Variants in SLC33A1 observed in about 807,000 individuals in gnomAD.
SLC33A1 encodes the protein solute carrier family 33 member 1, also known as acetyl-coenzyme A transporter 1.
SLC33A1 carries 20 observed loss-of-function variants against 50.0 expected under a neutral mutation model. The observed-to-expected ratio is 0.40, with a 90% confidence interval of 0.28 to 0.58. The LOEUF is 0.58. SLC33A1 is among the 20% of genes least tolerant of loss of function. SLC33A1 has a pLI of 0.44. For missense variants in SLC33A1, 476 were observed against 657.0 expected, an observed-to-expected ratio of 0.72 and a Z score of 3.01; for synonymous variants, 265 against 251.8, an observed-to-expected ratio of 1.05 and a Z score of -0.50.
At position 155,828,041 on chromosome 3, in the gene SLC33A1, T is replaced by A. The variant is rs1471708498; in HGVS notation, c.*169A>T. ...ATACATTGACAAGGCAAAAAAAAAATATGATCAAATATACAGAAAGGTTTC... is the reference window on the plus strand; with the variant it reads ...ATACATTGACAAGGCAAAAAAAAAAAATGATCAAATATACAGAAAGGTTTC... On this transcript the variant is annotated 3_prime_UTR_variant, in exon 6 of 6. Coordinates refer to ENST00000643144, the MANE Select transcript of SLC33A1 (RefSeq NM_004733.4). The A allele has an allele frequency of 2.7e-5, 15 of 557,696 alleles. No homozygotes were observed. Among genetic ancestry groups the A allele is most frequent in the African/African-American group, 2.2e-4 (11 of 49,202 alleles). The allele number at this position is 557,696 out of a possible 1,614,324, so 34.5% of individuals were successfully genotyped here.
Position 155,839,512 on chromosome 3 carries a change from C to T in SLC33A1, c.963+2920G>A, listed in dbSNP as rs761085354. Among the ~76,000 whole-genome samples the T allele has an allele frequency of 4.0e-5, 6 of 150,964 alleles. No homozygotes were observed. The East Asian group carries it at 5.8e-4, about 15-fold the overall frequency. Reference sequence around the variant, plus strand: ...AATAGACAACAGAAAAATGAGATTACGGAAAATTTAAATTTAACACACTAA... The same window carrying T: ...AATAGACAACAGAAAAATGAGATTATGGAAAATTTAAATTTAACACACTAA... On this transcript the variant is annotated intron_variant, in intron 2 of 5. Transcript: ENST00000643144.
chr3:155,853,368 C>T lies in SLC33A1; in HGVS notation c.630G>A (p.Val210=). The T allele has an allele frequency of 6.2e-7, 1 of 1,614,106 alleles. No homozygotes were observed. The highest frequency in any genetic ancestry group is 1.3e-5 in the African/African-American group (1 of 75,036). Reference sequence around the variant, plus strand: ...CCGAATTGCAAGTAGAAGCATAACCCACATTTTCCCTGGATAACATAGTTA... The same window carrying T: ...CCGAATTGCAAGTAGAAGCATAACCTACATTTTCCCTGGATAACATAGTTA... ...WALTMLSREN[V]GYASTCNSVG... Residue 210 remains valine, a synonymous_variant, in exon 1 of 6, where the codon GTG becomes GTA. Coordinates refer to ENST00000643144, the MANE Select transcript of SLC33A1 (RefSeq NM_004733.4).
At chr3:155,847,191 T>C (rs926346779) in intron 1 of SLC33A1, among the ~76,000 whole-genome samples, 1 of 151,218 alleles carries the variant, frequency 6.6e-6, no homozygotes. Context: ...CTGGATGACA[T>C]GGCAAGACGC....
Position 155,854,311 on chromosome 3 carries a change from A to C in SLC33A1, c.-314T>G. 3.6e-6 allele frequency: 1 copy of C among 275,278 alleles called. No homozygotes were observed. The allele number at this position is 275,278 out of a possible 1,614,324, so 17.1% of individuals were successfully genotyped here. Reference sequence around the variant, plus strand: ...GTGTGTGCCGTGGTGCCAGGATGGAAACCAGCTCCTACCTGCGGCGGGATC... The same window carrying C: ...GTGTGTGCCGTGGTGCCAGGATGGACACCAGCTCCTACCTGCGGCGGGATC... On this transcript the variant is annotated 5_prime_UTR_variant, in exon 1 of 6. Transcript: ENST00000643144.
At chr3:155,848,661 A>G (rs1471144515) in intron 1 of SLC33A1, among the ~76,000 whole-genome samples, 2 of 152,142 alleles carry the variant, frequency 1.3e-5, no homozygotes, top group Non-Finnish European at 2.9e-5. Context: ...CAGCCTGGGC[A>G]ACAAAGTGAG....
intron 2 of SLC33A1, among the ~76,000 whole-genome samples, chr3:155,838,833 G>A (rs965656191): frequency 1.3e-5 from 2 of 151,888 alleles, no homozygotes; most frequent in East Asian, 3.9e-4. Context: ...CTAGACGACA[G>A]AGCAAGACCT....
At position 155,827,407 on chromosome 3, in the gene SLC33A1, T is replaced by C. The variant is rs1752234006; in HGVS notation, c.*803A>G. 6.6e-6 allele frequency: 1 copy of C among 152,270 alleles called. No individual in the cohort carries two copies. The allele number at this position is 152,270 out of a possible 1,614,324, so 9.4% of individuals were successfully genotyped here. On this transcript the variant is annotated 3_prime_UTR_variant, in exon 6 of 6. Transcript: ENST00000643144. ...ACAACACTGAATTTGATCCCCTCCA[T>C]TGGCTGTCTGTGTGCCAGGAAGCAC...
chr3:155,829,989 T>C (rs959447741), intron 4 of SLC33A1, 86 bp from the exon 5 acceptor site: 2 of 855,990 alleles, frequency 2.3e-6, no homozygotes, highest in Admixed American at 2.1e-5. Context: ...GTCATAAACC[T>C]GAAATTAATT....
chr3:155,838,692 A>C (rs572322092), intron 2 of SLC33A1, among the ~76,000 whole-genome samples: 26 of 151,810 alleles, frequency 1.7e-4, no homozygotes, highest in African/African-American at 5.8e-4. Context: ...AAAAAAAAAA[A>C]AAAAAAAATT....
Position 155,851,410 on chromosome 3 carries a change from T to A in SLC33A1, c.775+1813A>T, listed in dbSNP as rs1434879303. ...AGGCCTTCGCAAAACACCCAGCTAT[T>A]TTTTTTTTTTTTTTAATTTTTAGTA... is the stretch of plus-strand genomic sequence containing the variant. On this transcript the variant is annotated intron_variant, in intron 1 of 5. Coordinates refer to ENST00000643144, the MANE Select transcript of SLC33A1 (RefSeq NM_004733.4). 5.8e-3 allele frequency among the ~76,000 whole-genome samples: 23 copies of A among 3,992 alleles called. No individual in the cohort carries two copies. In the African/African-American group the frequency reaches 0.14, roughly 25 times the overall value. The allele number at this position is 3,992 out of a possible 152,430, so 2.6% of individuals were successfully genotyped here.
intron 4 of SLC33A1, among the ~76,000 whole-genome samples, chr3:155,833,198 G>A (rs996567323): frequency 1.3e-5 from 2 of 151,986 alleles, no homozygotes; most frequent in Non-Finnish European, 2.9e-5. Context: ...GCAGTGAGCC[G>A]AGACTGCACC....
intron 1 of SLC33A1, 77 bp downstream of exon 1, chr3:155,853,146 A>T: frequency 1.5e-6 from 2 of 1,309,100 alleles, no homozygotes; most frequent in Non-Finnish European, 2.2e-6. Flanking sequence ...CAGTAAATTA[A>T]TGAGCTTCCC....
intron 1 of SLC33A1, among the ~76,000 whole-genome samples, chr3:155,848,220 C>T (rs1452999614): frequency 6.6e-6 from 1 of 152,156 alleles, no homozygotes; most frequent in Non-Finnish European, 1.5e-5. Context: ...ATTGCAGCCT[C>T]GAACTCCTGG....
At chr3:155,829,226 C>A (rs554147917) in intron 5 of SLC33A1, among the ~76,000 whole-genome samples, 1 of 152,116 alleles carries the variant, frequency 6.6e-6, no homozygotes, top group South Asian at 2.1e-4. Flanking sequence ...CACGATGCAG[C>A]TTTCACATTC....
At chr3:155,836,280 CAAAAAAAAAAAAAAAAAA>C (rs57460942) in intron 2 of SLC33A1, among the ~76,000 whole-genome samples, 49 of 27,168 alleles carry the variant, frequency 1.8e-3, no homozygotes, top group Non-Finnish European at 2.6e-3. Flanking sequence ...GAGACTCTGT[CAAAAAAAAAAAAAAAAAA>C]AAAAAAAAAA....
chr3:155,848,316 T>C (rs1753262415), intron 1 of SLC33A1, among the ~76,000 whole-genome samples: 3 of 152,192 alleles, frequency 2.0e-5, no homozygotes, highest in African/African-American at 4.8e-5. Context: ...CATGTTTTTA[T>C]ATGAGCCTAA....
At chr3:155,830,372 C>CA (rs1001524763) in intron 4 of SLC33A1, among the ~76,000 whole-genome samples, 4 of 147,552 alleles carry the variant, frequency 2.7e-5, no homozygotes, top group African/African-American at 7.4e-5. Context: ...GACTCAGTCT[C>CA]AAAAAAAATA....
chr3:155,842,404 T>TG, intron 2 of SLC33A1, 28 bp downstream of exon 2: 1 of 1,460,762 alleles, frequency 6.8e-7, no homozygotes, highest in Non-Finnish European at 9.6e-7. Context: ...TATAAGAAAA[T>TG]GATAAATTTG....
rs779467886 is a variant in SLC33A1 at position 155,829,907 on chromosome 3, C to A, written c.1267-4G>T. On this transcript the variant is annotated splice_region_variant and splice_polypyrimidine_tract_variant and intron_variant, in intron 4 of 5. Transcript: ENST00000643144. ...CATACATGCTGTACACTGTAACCTA[C>A]GGAAAAATGTAAAACATCTTTAGTA... The A allele has an allele frequency of 4.4e-6, 7 of 1,582,100 alleles. No individual in the cohort carries two copies. Among genetic ancestry groups the A allele is most frequent in the Non-Finnish European group, 6.1e-6 (7 of 1,151,578 alleles).
Sources: gnomAD v4.1 joint callset for allele counts (sites outside exome capture counted in the v4.1 genomes callset) on GRCh38, gnomAD v4.1.1 for gene constraint, MANE v1.5 for transcripts, NCBI Gene and HGNC (gene_info 2026-07-23, HGNC 2026-07-21) for gene names.